The following PRKN variants were observed in gnomAD, a reference collection of about 807,000 sequenced individuals.
PRKN encodes parkin RBR E3 ubiquitin protein ligase, also known as E3 ubiquitin-protein ligase parkin.
A neutral mutation model predicts 59.5 loss-of-function variants in PRKN; 56 were observed. The ratio of observed to expected loss-of-function variants is 0.94; its 90% CI spans 0.76 to 1.18. The LOEUF (loss-of-function observed/expected upper bound fraction) is 1.18. Among genes scored for constraint, PRKN ranks in the 50% most tolerant of loss-of-function variants. The pLI is 0.00. For synonymous variants in PRKN, 250 were observed against 222.1 expected, an observed-to-expected ratio of 1.13 and a Z score of -1.12; for missense variants, 657 against 596.4, an observed-to-expected ratio of 1.10 and a Z score of -1.06.
intron 1 of PRKN, among the ~76,000 whole-genome samples, chr6:162,657,071 G>C (rs1046814250): frequency 6.6e-6 from 1 of 152,168 alleles, no homozygotes; most frequent in African/African-American, 2.4e-5. Flanking sequence ...TAAATATGTG[G>C]TGGGCTTGTT....
At chr6:162,435,387 T>A (rs1177186426) in intron 2 of PRKN, among the ~76,000 whole-genome samples, 1 of 152,020 alleles carries the variant, frequency 6.6e-6, no homozygotes, top group Admixed American at 6.6e-5. Context: ...TTGATGGCAA[T>A]CCTCAGAGAT....
rs540582955 is a variant in PRKN at position 161,714,638 on chromosome 6, C to CT, written c.871+71133dup. Reference sequence around the variant, plus strand: ...GTGTCCATGTACTCCATGTAAAACACTTTTTTTAAATGGCCATTTAAGACC... The same window carrying CT: ...GTGTCCATGTACTCCATGTAAAACACTTTTTTTTAAATGGCCATTTAAGACC... On this transcript the variant is annotated intron_variant, in intron 7 of 11. Coordinates refer to ENST00000366898, the MANE Select transcript of PRKN (RefSeq NM_004562.3). Among the ~76,000 whole-genome samples the CT allele has an allele frequency of 7.2e-5, 11 of 152,256 alleles. No homozygotes were observed. The South Asian group carries it at 2.1e-3, about 29-fold the overall frequency.
chr6:162,337,853 A>C (rs1562682217), intron 2 of PRKN, among the ~76,000 whole-genome samples: 2 of 152,222 alleles, frequency 1.3e-5, no homozygotes, highest in South Asian at 4.1e-4. Context: ...ATTATAGGAT[A>C]TTTTAAGAAA....
intron 5 of PRKN, among the ~76,000 whole-genome samples, chr6:162,007,783 G>GCTA (rs1419922904): frequency 7.9e-5 from 12 of 152,100 alleles, no homozygotes; most frequent in Non-Finnish European, 1.5e-4. Flanking sequence ...CGAATTTATA[G>GCTA]CTATCCTGAG....
At chr6:162,011,783 C>T (rs1782730977) in intron 5 of PRKN, among the ~76,000 whole-genome samples, 2 of 151,276 alleles carry the variant, frequency 1.3e-5, no homozygotes, top group South Asian at 4.2e-4. Context: ...GGTATTCTAA[C>T]CATAAGAAAT....
intron 7 of PRKN, among the ~76,000 whole-genome samples, chr6:161,603,308 C>G (rs1782170255): frequency 6.6e-6 from 1 of 152,216 alleles, no homozygotes; most frequent in South Asian, 2.1e-4. Context: ...GAAACTTGAA[C>G]TCAGCTGATC....
At chr6:161,640,287 C>T (rs114543193) in intron 7 of PRKN, among the ~76,000 whole-genome samples, 3,274 of 152,212 alleles carry the variant, frequency 0.022, 112 homozygotes, top group African/African-American at 0.075. Context: ...AGCTATTATA[C>T]GTCTTAAAAA....
rs1779511370 is a variant in PRKN at position 161,538,711 on chromosome 6, T to A, written c.1083+10143A>T. On this transcript the variant is annotated intron_variant, in intron 9 of 11. Coordinates refer to ENST00000366898, the MANE Select transcript of PRKN (RefSeq NM_004562.3). This position sits in a 1 kb window ranked among gnomAD's most constrained non-coding sequence, Gnocchi z 4.2. ...ATGTGATTTCTACATCTGTTGCAGA[T>A]CCTTGGAGACCAGTGCCCATGGGAC... Among the ~76,000 whole-genome samples, 1 of 152,204 alleles carries A rather than the reference T, an allele frequency of 6.6e-6. No homozygotes were observed. The highest frequency in any genetic ancestry group is 2.1e-4 in the South Asian group (1 of 4,836).
intron 6 of PRKN, among the ~76,000 whole-genome samples, chr6:161,862,917 T>G (rs9689946): frequency 0.47 from 70,797 of 152,054 alleles, 16,711 homozygotes; most frequent in African/African-American, 0.51. Flanking sequence ...ATGATCATAT[T>G]GCAACAGTCC....
At chr6:162,134,887 T>G (rs1781507122) in intron 4 of PRKN, among the ~76,000 whole-genome samples, 1 of 152,132 alleles carries the variant, frequency 6.6e-6, no homozygotes, top group Admixed American at 6.6e-5. Context: ...ATAGAGCTAT[T>G]TTTACACGAG....
At chr6:162,115,640 G>C in intron 4 of PRKN, among the ~76,000 whole-genome samples, 1 of 151,928 alleles carries the variant, frequency 6.6e-6, no homozygotes, top group Non-Finnish European at 1.5e-5. Flanking sequence ...AGCAAGCGGT[G>C]TTTGTCATGA....
At chr6:162,382,729 G>T (rs987238560) in intron 2 of PRKN, among the ~76,000 whole-genome samples, 1 of 152,144 alleles carries the variant, frequency 6.6e-6, no homozygotes, top group African/African-American at 2.4e-5. Flanking sequence ...TTTCTTTCAT[G>T]AAAGATTTCT....
intron 2 of PRKN, among the ~76,000 whole-genome samples, chr6:162,423,123 A>G (rs1315581963): frequency 1.3e-5 from 2 of 152,192 alleles, no homozygotes; most frequent in East Asian, 3.9e-4. Context: ...TAAAAATGTA[A>G]CTGAATAAAG....
chr6:162,260,435 A>G (rs1779841442), intron 3 of PRKN, among the ~76,000 whole-genome samples: 1 of 152,206 alleles, frequency 6.6e-6, no homozygotes, highest in Admixed American at 6.5e-5. Context: ...AAATATAAAG[A>G]GAATATTAGA....
At position 161,386,120 on chromosome 6, in the gene PRKN, T is replaced by C. The variant is rs112950400; in HGVS notation, c.1167+674A>G. Reference sequence around the variant, plus strand: ...GATTTATTTGCAAAGATTTGGTGTTTAAACCCTTGTTAACATCTACATTGG... The same window carrying C: ...GATTTATTTGCAAAGATTTGGTGTTCAAACCCTTGTTAACATCTACATTGG... On this transcript the variant is annotated intron_variant, in intron 10 of 11. Coordinates refer to ENST00000366898, the MANE Select transcript of PRKN (RefSeq NM_004562.3). The surrounding 1 kb of genome is among the most constrained non-coding windows in gnomAD (Gnocchi z 4.3). 5.9e-5 allele frequency among the ~76,000 whole-genome samples: 9 copies of C among 152,388 alleles called. No individual in the cohort carries two copies. Among genetic ancestry groups the C allele is most frequent in the African/African-American group, 1.9e-4 (8 of 41,600 alleles).
intron 2 of PRKN, among the ~76,000 whole-genome samples, chr6:162,387,504 G>C (rs1360573426): frequency 2.0e-5 from 3 of 149,386 alleles, no homozygotes; most frequent in African/African-American, 7.4e-5. Context: ...TAATGGTCTA[G>C]TGTTTATTCT....
chr6:162,036,247 C>T (rs1382360922), intron 5 of PRKN, among the ~76,000 whole-genome samples: 1 of 151,692 alleles, frequency 6.6e-6, no homozygotes, highest in African/African-American at 2.4e-5. Flanking sequence ...TGGCGTGAAC[C>T]CGGGAGGCGG....
intron 2 of PRKN, among the ~76,000 whole-genome samples, chr6:162,365,719 T>C (rs1785403095): frequency 6.6e-6 from 1 of 152,182 alleles, no homozygotes; most frequent in African/African-American, 2.4e-5. Flanking sequence ...TTCTACACAA[T>C]CTAATTTATC....
At chr6:162,617,758 A>AT (rs34324063) in intron 1 of PRKN, among the ~76,000 whole-genome samples, 78,699 of 151,088 alleles carry the variant, frequency 0.52, 21,305 homozygotes, top group African/African-American at 0.64. Context: ...CTGAAAAATA[A>AT]TTTTTTTTTG....
Sources: gnomAD v4.1 joint callset for allele counts (sites outside exome capture counted in the v4.1 genomes callset) on GRCh38, gnomAD v4.1.1 for gene constraint, Gnocchi (gnomAD v3.1) non-coding constraint, MANE v1.5 for transcripts, NCBI Gene and HGNC (gene_info 2026-07-23, HGNC 2026-07-21) for gene names.